RALGAPA2: variants seen among roughly 807,000 people sequenced by gnomAD.
RALGAPA2 encodes the protein Ral GTPase activating protein catalytic subunit alpha 2.
Under a neutral mutation model 230.4 loss-of-function variants are expected in RALGAPA2, and 139 were observed. That is an observed-to-expected ratio of 0.60 (90% CI 0.53 to 0.69). The LOEUF is 0.69. Ranked by LOEUF, RALGAPA2 falls within the 30% of genes least tolerant of loss-of-function variation. The pLI is 0.00. For synonymous variants in RALGAPA2, 847 were observed against 837.8 expected (o/e 1.01, Z -0.19); for missense variants, 2,163 against 2,276.0 (o/e 0.95, Z 1.01).
At chr20:20,557,499 T>C (rs2064120273) in intron 23 of RALGAPA2, among the ~76,000 whole-genome samples, 2 of 152,208 alleles carry the variant, frequency 1.3e-5, no homozygotes, top group African/African-American at 2.4e-5. Flanking sequence ...TATATTCTTC[T>C]TAGAATATTA....
Position 20,571,609 on chromosome 20 carries a change from G to T in RALGAPA2, c.3005C>A (p.Ala1002Glu). Residue 1002 changes from alanine (A) to glutamate (E), a missense_variant, in exon 23 of 40, where the codon GCG becomes GAG. By Grantham distance (107) the Ala-to-Glu change is moderately radical (BLOSUM62 -1). Coordinates refer to ENST00000202677, the MANE Select transcript of RALGAPA2 (RefSeq NM_020343.4). ...TTCCTTATATTCATTTGGCAGTGTC[G>T]CCGCCTGTCAAGGAGATGATGTTTC... The part of the protein sequence containing the change: ...RMFASWLFKA[A>E]TLPNEYKEGK... 1 of 1,608,194 alleles carries T rather than the reference G, an allele frequency of 6.2e-7. No homozygotes were observed. The highest frequency in any genetic ancestry group is 8.5e-7 in the Non-Finnish European group (1 of 1,177,306).
At chr20:20,495,331 G>C in intron 35 of RALGAPA2, 56 bp from the exon 36 acceptor site, 1 of 1,341,590 alleles carries the variant, frequency 7.5e-7, no homozygotes, top group South Asian at 2.1e-5. Context: ...GTTTATGAGG[G>C]GTCATGGCTT....
chr20:20,432,299 C>T (rs550758558), intron 37 of RALGAPA2, among the ~76,000 whole-genome samples: 10 of 152,272 alleles, frequency 6.6e-5, no homozygotes, highest in African/African-American at 2.4e-4. Context: ...CTCTCCTTTG[C>T]TGGTTATAAG....
chr20:20,594,832 C>T (rs2065402223), intron 16 of RALGAPA2, among the ~76,000 whole-genome samples: 1 of 150,382 alleles, frequency 6.6e-6, no homozygotes, highest in South Asian at 2.1e-4. Flanking sequence ...AAGTTCATGG[C>T]ATTCTCCTGC....
intron 13 of RALGAPA2, among the ~76,000 whole-genome samples, chr20:20,614,800 C>T (rs2066083724): frequency 6.6e-6 from 1 of 152,206 alleles, no homozygotes. Flanking sequence ...ACTGCAGACA[C>T]TTTCCAAAGC....
At chr20:20,474,455 T>C (rs2061606879) in intron 36 of RALGAPA2, among the ~76,000 whole-genome samples, 2 of 152,222 alleles carry the variant, frequency 1.3e-5, no homozygotes, top group Non-Finnish European at 2.9e-5. Flanking sequence ...TTAAAGGTAT[T>C]GTTTTGGCAC....
intron 23 of RALGAPA2, among the ~76,000 whole-genome samples, chr20:20,554,151 T>C (rs966552360): frequency 6.6e-6 from 1 of 152,162 alleles, no homozygotes; most frequent in African/African-American, 2.4e-5. Context: ...AAGCAACTAT[T>C]TCCCATTTCT....
intron 33 of RALGAPA2, among the ~76,000 whole-genome samples, chr20:20,507,322 T>A (rs2062563618): frequency 6.6e-6 from 1 of 152,232 alleles, no homozygotes; most frequent in Non-Finnish European, 1.5e-5. Context: ...TCCTTAAAGA[T>A]AATCTTTAAT....
At chr20:20,439,656 C>T (rs1017672663) in intron 37 of RALGAPA2, among the ~76,000 whole-genome samples, 6 of 152,134 alleles carry the variant, frequency 3.9e-5, no homozygotes, top group African/African-American at 7.2e-5. Context: ...AGTGAAAAGC[C>T]GCAGGCAACA....
intron 13 of RALGAPA2, among the ~76,000 whole-genome samples, chr20:20,615,336 A>AT (rs1568652972): frequency 1.3e-5 from 2 of 151,800 alleles, no homozygotes; most frequent in African/African-American, 4.8e-5. Flanking sequence ...AATTTTTTGT[A>AT]TTTTTAGTAG....
At position 20,594,679 on chromosome 20, in the gene RALGAPA2, G is replaced by A. The variant is rs1168623953; in HGVS notation, c.2204-3365C>T. On this transcript the variant is annotated intron_variant, in intron 16 of 39. Transcript: ENST00000202677. ...AGATTTTAAAAGCACTAACTTTCTC[G>A]TCTCTTGACAGTGTAAGTTACACAA... 4.0e-5 allele frequency among the ~76,000 whole-genome samples: 6 copies of A among 150,606 alleles called. No homozygotes were observed. In the East Asian group the frequency reaches 5.8e-4, roughly 15 times the overall value.
intron 10 of RALGAPA2, among the ~76,000 whole-genome samples, chr20:20,628,132 A>C (rs2066548715): frequency 1.3e-5 from 2 of 152,228 alleles, no homozygotes; most frequent in South Asian, 4.1e-4. Flanking sequence ...TTCTTCATTA[A>C]AATGAAAATA....
chr20:20,584,270 A>G (rs966935065), intron 19 of RALGAPA2, among the ~76,000 whole-genome samples: 73 of 152,244 alleles, frequency 4.8e-4, no homozygotes, highest in African/African-American at 1.7e-3. Context: ...TGTACTTCTG[A>G]TGCTTTTTGC....
chr20:20,439,636 G>A (rs771177344), intron 37 of RALGAPA2, among the ~76,000 whole-genome samples: 1 of 152,206 alleles, frequency 6.6e-6, no homozygotes, highest in Non-Finnish European at 1.5e-5. Flanking sequence ...GGAGGGTGAT[G>A]GGATTATCCA....
intron 36 of RALGAPA2, among the ~76,000 whole-genome samples, chr20:20,494,518 G>A (rs1274382788): frequency 6.6e-6 from 1 of 152,232 alleles, no homozygotes; most frequent in Non-Finnish European, 1.5e-5. Flanking sequence ...CAGATCATTG[G>A]ATTGTTCCAG....
chr20:20,518,414 T>C (rs984155003), intron 31 of RALGAPA2, among the ~76,000 whole-genome samples: 2 of 152,096 alleles, frequency 1.3e-5, no homozygotes, highest in African/African-American at 4.8e-5. Context: ...TGAAAAAAAA[T>C]ACCCTCAAAT....
At chr20:20,569,100 T>A (rs1201652036) in intron 23 of RALGAPA2, among the ~76,000 whole-genome samples, 1 of 152,210 alleles carries the variant, frequency 6.6e-6, no homozygotes, top group African/African-American at 2.4e-5. Context: ...ATAATTAATA[T>A]AACATGTGTT....
intron 1 of RALGAPA2, among the ~76,000 whole-genome samples, chr20:20,710,341 G>T (rs1004102534): frequency 8.6e-5 from 13 of 151,776 alleles, no homozygotes; most frequent in Admixed American, 3.3e-4. Context: ...ACTTTTTTTC[G>T]AGTAGCAATG....
chr20:20,474,102 G>T (rs532319245), intron 36 of RALGAPA2, among the ~76,000 whole-genome samples: 1 of 152,240 alleles, frequency 6.6e-6, no homozygotes, highest in African/African-American at 2.4e-5. Context: ...TTTTGGGAGG[G>T]GTCTCCAGTT....
Sources: gnomAD v4.1 joint callset for allele counts (sites outside exome capture counted in the v4.1 genomes callset) on GRCh38, gnomAD v4.1.1 for gene constraint, MANE v1.5 for transcripts, NCBI Gene and HGNC (gene_info 2026-07-23, HGNC 2026-07-21) for gene names.